The following PRKG1 variants were observed in gnomAD, a reference collection of about 807,000 sequenced individuals.
PRKG1 encodes cGMP-dependent protein kinase 1.
In PRKG1, 35 loss-of-function variants were observed where a neutral mutation model predicts 88.1. That is an observed-to-expected ratio of 0.40 (90% CI 0.30 to 0.53). PRKG1 has a LOEUF of 0.53. Ranked by LOEUF, PRKG1 falls within the 20% of genes least tolerant of loss-of-function variation. The pLI is 0.59. For missense variants in PRKG1, 540 were observed against 839.8 expected (o/e 0.64, Z 4.41); for synonymous variants, 303 against 292.5 (o/e 1.04, Z -0.37).
chr10:51,034,668 T>TTTATATATA (rs9299454), intron 1 of PRKG1, among the ~76,000 whole-genome samples: 3,707 of 67,904 alleles, frequency 0.055, 554 homozygotes, highest in Middle Eastern at 0.13. Context: ...AATATGTTAT[T>TTTATATATA]TATATATATA....
intron 7 of PRKG1, among the ~76,000 whole-genome samples, chr10:52,105,386 T>C (rs916947779): frequency 5.3e-5 from 8 of 152,208 alleles, no homozygotes; most frequent in African/African-American, 1.7e-4. Context: ...TAAACTTGAC[T>C]GATTTTGAAA....
chr10:51,566,594 G>A (rs1837611309), intron 3 of PRKG1, among the ~76,000 whole-genome samples: 1 of 151,736 alleles, frequency 6.6e-6, no homozygotes, highest in African/African-American at 2.4e-5. Context: ...GGGGTGGGCA[G>A]GTAAGATAGT....
intron 3 of PRKG1, among the ~76,000 whole-genome samples, chr10:51,543,864 G>C (rs1037459316): frequency 6.6e-6 from 1 of 152,164 alleles, no homozygotes; most frequent in Non-Finnish European, 1.5e-5. Context: ...AGTTCAGACA[G>C]GAAGAGACTT....
At chr10:52,122,271 G>T (rs1847837677) in intron 7 of PRKG1, among the ~76,000 whole-genome samples, 1 of 152,138 alleles carries the variant, frequency 6.6e-6, no homozygotes, top group Admixed American at 6.5e-5. Flanking sequence ...CTGACATAAT[G>T]ACATTAATCC....
intron 10 of PRKG1, among the ~76,000 whole-genome samples, chr10:52,270,257 T>G (rs1337029707): frequency 4.6e-5 from 7 of 152,042 alleles, no homozygotes; most frequent in African/African-American, 1.4e-4. Flanking sequence ...TAGGAACACT[T>G]TTACACTGTT....
chr10:52,284,648 C>T (rs1414484041), intron 14 of PRKG1, among the ~76,000 whole-genome samples: 3 of 152,008 alleles, frequency 2.0e-5, no homozygotes, highest in Non-Finnish European at 4.4e-5. Flanking sequence ...GTATTTTGGT[C>T]CTGAATGTCA....
chr10:51,747,859 TC>T (rs1837620916), intron 3 of PRKG1, among the ~76,000 whole-genome samples: 1 of 152,062 alleles, frequency 6.6e-6, no homozygotes, highest in African/African-American at 2.4e-5. Context: ...AACCTCCGCC[TC>T]CCAGGTTCAA....
rs567008943 is a variant in PRKG1, at chr10:52,271,285, G to T, written c.1174-65G>T. The T allele has an allele frequency of 2.8e-5, 43 of 1,520,730 alleles. No homozygotes were observed. In the African/African-American group the frequency reaches 5.1e-4, roughly 18 times the overall value. The allele number at this position is 1,520,730 out of a possible 1,614,324, so 94.2% of individuals were successfully genotyped here. On this transcript the variant is annotated intron_variant, in intron 10 of 17. Transcript: ENST00000373980. The stretch of plus-strand genomic sequence containing the variant: ...AAGTGCGCCATGTACCTGTTAATTT[G>T]GGGATAATAATGCACTCTTACAAGT...
At chr10:52,082,749 A>C (rs896061779) in intron 7 of PRKG1, among the ~76,000 whole-genome samples, 8 of 152,106 alleles carry the variant, frequency 5.3e-5, no homozygotes, top group African/African-American at 1.7e-4. Flanking sequence ...ACACTTGACC[A>C]TTTTAAGAGG....
At chr10:51,714,622 A>G (rs533385041) in intron 3 of PRKG1, among the ~76,000 whole-genome samples, 1 of 152,324 alleles carries the variant, frequency 6.6e-6, no homozygotes, top group Admixed American at 6.5e-5. Context: ...TGTGTACTAC[A>G]GTATGTACCA....
chr10:51,509,995 G>A (rs575596215), intron 3 of PRKG1, among the ~76,000 whole-genome samples: 99 of 152,266 alleles, frequency 6.5e-4, no homozygotes, highest in African/African-American at 2.3e-3. Flanking sequence ...ATAAGACTGA[G>A]ATGCAGGAAG....
chr10:51,583,543 T>C (rs1244392224), intron 3 of PRKG1, among the ~76,000 whole-genome samples: 1 of 152,090 alleles, frequency 6.6e-6, no homozygotes, highest in Non-Finnish European at 1.5e-5. Context: ...CCAAAACATC[T>C]TCACAATGCA....
chr10:52,090,271 CA>C (rs1369843092), intron 7 of PRKG1, among the ~76,000 whole-genome samples: 9 of 151,464 alleles, frequency 5.9e-5, no homozygotes. Flanking sequence ...TGGCTACATA[CA>C]AAAAAGACAT....
At chr10:51,123,139 A>C (rs958270945) in intron 1 of PRKG1, among the ~76,000 whole-genome samples, 3 of 152,122 alleles carry the variant, frequency 2.0e-5, no homozygotes, top group Non-Finnish European at 4.4e-5. Context: ...TAATACACCA[A>C]ACTTGTTCAC....
rs545456104 is a variant in PRKG1 at position 51,180,507 on chromosome 10, C to A, written c.478+27177C>A. Reference sequence around the variant, plus strand: ...AAATCTTATTTAGCAGACAAAGATACCCATTGAACATATATGAAAATGTAA... The same window carrying A: ...AAATCTTATTTAGCAGACAAAGATAACCATTGAACATATATGAAAATGTAA... On this transcript the variant is annotated intron_variant, in intron 2 of 17. Transcript: ENST00000373980. Among the ~76,000 whole-genome samples, 6 of 152,292 alleles carry A rather than the reference C, an allele frequency of 3.9e-5. No homozygotes were observed. The South Asian group carries it at 6.2e-4, about 16-fold the overall frequency.
intron 2 of PRKG1, among the ~76,000 whole-genome samples, chr10:51,175,970 G>A (rs958896330): frequency 2.6e-5 from 4 of 152,082 alleles, no homozygotes; most frequent in Non-Finnish European, 5.9e-5. Context: ...TTTATTGAAT[G>A]AAGTAATATA....
At chr10:51,485,885 GC>G (rs1211152109) in intron 3 of PRKG1, among the ~76,000 whole-genome samples, 1 of 152,084 alleles carries the variant, frequency 6.6e-6, no homozygotes, top group African/African-American at 2.4e-5. Flanking sequence ...GTTGTTAGCA[GC>G]CATTCACACC....
At chr10:52,254,595 GAAGTT>G (rs573002689) in intron 10 of PRKG1, among the ~76,000 whole-genome samples, 1 of 151,954 alleles carries the variant, frequency 6.6e-6, no homozygotes, top group East Asian at 1.9e-4. Flanking sequence ...CTGTTAGAGT[GAAGTT>G]AAGAATGTAG....
At chr10:51,452,114 A>G (rs1329460550) in intron 2 of PRKG1, among the ~76,000 whole-genome samples, 1 of 151,864 alleles carries the variant, frequency 6.6e-6, no homozygotes, top group East Asian at 1.9e-4. Flanking sequence ...AGTGTCTTTT[A>G]GCATATAAAC....
Sources: allele counts gnomAD v4.1 joint callset (sites outside exome capture counted in the v4.1 genomes callset), GRCh38; gene constraint gnomAD v4.1.1; transcripts MANE v1.5; gene names NCBI Gene and HGNC (gene_info 2026-07-23, HGNC 2026-07-21).